Variants in SPECC1L observed in about 807,000 individuals in gnomAD.
The protein encoded by SPECC1L is sperm antigen with calponin homology and coiled-coil domains 1 like, also known as cytospin-A.
Under a neutral mutation model 116.8 loss-of-function variants are expected in SPECC1L, and 40 were observed. That is an observed-to-expected ratio of 0.34 (90% CI 0.27 to 0.45). The LOEUF (loss-of-function observed/expected upper bound fraction) is 0.45, where lower values mean the gene tolerates loss of function less well. SPECC1L is among the 20% of genes least tolerant of loss of function. The probability of loss-of-function intolerance (pLI) is 1.00; values close to 1 mark genes in which losing one functional copy is unlikely to be tolerated. For synonymous variants in SPECC1L, 504 were observed against 500.6 expected, an observed-to-expected ratio of 1.01 and a Z score of -0.09; for missense variants, 1,110 against 1,373.6, an observed-to-expected ratio of 0.81 and a Z score of 3.03.
chr22:24,295,205 T>C (rs2049235596), intron 2 of SPECC1L, among the ~76,000 whole-genome samples: 1 of 151,290 alleles, frequency 6.6e-6, no homozygotes, highest in Admixed American at 6.6e-5. Flanking sequence ...GAAGGGTTTA[T>C]TTCTCTAATG....
intron 15 of SPECC1L, chr22:24,412,119 CAAGA>C: frequency 2.8e-6 from 1 of 359,878 alleles, no homozygotes; most frequent in Non-Finnish European, 5.4e-6. Flanking sequence ...TTAGAACTGG[CAAGA>C]AACACCAACC....
At chr22:24,339,189 T>C (rs1375577220) in intron 10 of SPECC1L, among the ~76,000 whole-genome samples, 3 of 152,168 alleles carry the variant, frequency 2.0e-5, no homozygotes, top group African/African-American at 7.2e-5. Flanking sequence ...TCAGGCTCCT[T>C]CACAGCATGG....
At chr22:24,404,165 T>A (rs1387820290) in intron 14 of SPECC1L, among the ~76,000 whole-genome samples, 6 of 152,196 alleles carry the variant, frequency 3.9e-5, no homozygotes, top group African/African-American at 1.4e-4. Flanking sequence ...AGCCCTTCCC[T>A]GTGTTCCATT....
At chr22:24,335,863 G>T (rs2041043381) in intron 9 of SPECC1L, among the ~76,000 whole-genome samples, 1 of 151,740 alleles carries the variant, frequency 6.6e-6, no homozygotes, top group East Asian at 1.9e-4. Context: ...TATGTATTAT[G>T]TATAATATAA....
chr22:24,355,826 GT>G (rs149965566), intron 11 of SPECC1L, among the ~76,000 whole-genome samples: 12 of 143,562 alleles, frequency 8.4e-5, no homozygotes, highest in South Asian at 2.2e-4. Context: ...CCCCCGTTCT[GT>G]TTTTTTTTTA....
chr22:24,377,208 A>G (rs2041988179), intron 14 of SPECC1L, among the ~76,000 whole-genome samples: 1 of 152,182 alleles, frequency 6.6e-6, no homozygotes, highest in Non-Finnish European at 1.5e-5. Flanking sequence ...GCCAAACAAT[A>G]TTCCATTGTA....
At chr22:24,404,149 A>T (rs1051682334) in intron 14 of SPECC1L, among the ~76,000 whole-genome samples, 1 of 151,242 alleles carries the variant, frequency 6.6e-6, no homozygotes, top group Admixed American at 6.6e-5. Context: ...CTTTCCCCCA[A>T]CCCCCAGCCC....
chr22:24,280,453 C>T (rs1053707662), intron 2 of SPECC1L, among the ~76,000 whole-genome samples: 11 of 151,340 alleles, frequency 7.3e-5, no homozygotes, highest in Non-Finnish European at 1.5e-4. Flanking sequence ...AAGGGCCAGA[C>T]AGTAAATGTT....
intron 11 of SPECC1L, among the ~76,000 whole-genome samples, chr22:24,354,706 C>T (rs916551190): frequency 4.0e-5 from 6 of 149,566 alleles, no homozygotes; most frequent in Non-Finnish European, 5.9e-5. Flanking sequence ...CTCACCCTGT[C>T]GCTGGAGTGC....
chr22:24,357,868 A>G lies in SPECC1L; in HGVS notation c.2744-5393A>G, dbSNP rs150455430. ...AGAGAGCCTGTCTTACCCTCTTACAATGCTTTCAGCTGAGCTTTCCTATTT... is the reference window on the plus strand; with the variant it reads ...AGAGAGCCTGTCTTACCCTCTTACAGTGCTTTCAGCTGAGCTTTCCTATTT... On this transcript the variant is annotated intron_variant, in intron 11 of 16. Transcript: ENST00000314328. Among the ~76,000 whole-genome samples, 394 of 152,266 alleles carry G rather than the reference A, an allele frequency of 2.6e-3. 1 individual carries two copies. Among genetic ancestry groups the G allele is most frequent in the African/African-American group, 8.7e-3 (361 of 41,556 alleles).
intron 3 of SPECC1L, among the ~76,000 whole-genome samples, chr22:24,309,640 C>T (rs529179797): frequency 6.6e-6 from 1 of 152,228 alleles, no homozygotes; most frequent in African/African-American, 2.4e-5. Context: ...ACCTCGTGAT[C>T]TACCCACCTT....
intron 2 of SPECC1L, among the ~76,000 whole-genome samples, chr22:24,295,128 C>T (rs1006002079): frequency 2.7e-5 from 4 of 150,690 alleles, no homozygotes; most frequent in Non-Finnish European, 4.4e-5. Context: ...AGCTGTGAAC[C>T]CTGTCCTGAG....
chr22:24,358,543 G>C (rs2041578608), intron 11 of SPECC1L, among the ~76,000 whole-genome samples: 1 of 152,176 alleles, frequency 6.6e-6, no homozygotes, highest in African/African-American at 2.4e-5. Context: ...CCATAATTCA[G>C]CTCTTTGGAG....
At chr22:24,313,180 G>A in intron 3 of SPECC1L, 133 bp from the exon 4 acceptor site, 1 of 832,238 alleles carries the variant, frequency 1.2e-6, no homozygotes. Flanking sequence ...ATGGTGTGCT[G>A]CTTACTACCT....
intron 8 of SPECC1L, among the ~76,000 whole-genome samples, chr22:24,332,161 T>G (rs2040952114): frequency 6.6e-6 from 1 of 152,212 alleles, no homozygotes; most frequent in Non-Finnish European, 1.5e-5. Flanking sequence ...AGCCTATCAC[T>G]TAAAGGAAAA....
chr22:24,307,153 G>A (rs1030221677), intron 3 of SPECC1L, among the ~76,000 whole-genome samples: 12 of 151,626 alleles, frequency 7.9e-5, no homozygotes, highest in African/African-American at 2.9e-4. Flanking sequence ...TTTCAATTTT[G>A]GGGGGGGTAT....
chr22:24,345,618 TC>T (rs2041275818), intron 10 of SPECC1L, among the ~76,000 whole-genome samples: 1 of 151,322 alleles, frequency 6.6e-6, no homozygotes, highest in Non-Finnish European at 1.5e-5. Flanking sequence ...AGAAGATCCT[TC>T]CAGGAGAAGA....
At chr22:24,401,894 A>G (rs1167452336) in intron 14 of SPECC1L, among the ~76,000 whole-genome samples, 1 of 152,112 alleles carries the variant, frequency 6.6e-6, no homozygotes, top group Non-Finnish European at 1.5e-5. Context: ...CAGTGATTCT[A>G]GCGCACAGTG....
At chr22:24,365,072 G>T (rs1453850529) in intron 12 of SPECC1L, among the ~76,000 whole-genome samples, 1 of 152,002 alleles carries the variant, frequency 6.6e-6, no homozygotes, top group African/African-American at 2.4e-5. Context: ...GAGTGGCGCA[G>T]TCTTGGCTTA....
Sources: gnomAD v4.1 joint callset for allele counts (sites outside exome capture counted in the v4.1 genomes callset) on GRCh38, gnomAD v4.1.1 for gene constraint, MANE v1.5 for transcripts, NCBI Gene and HGNC (gene_info 2026-07-23, HGNC 2026-07-21) for gene names.